Variants in HIVEP2 observed in about 807,000 individuals in gnomAD.
HIVEP2 encodes the protein transcription factor HIVEP2.
HIVEP2 carries 14 observed loss-of-function variants against 180.7 expected under a neutral mutation model. The ratio of observed to expected loss-of-function variants is 0.08; its 90% CI spans 0.05 to 0.12. HIVEP2 has a LOEUF of 0.12. Ranked by LOEUF, HIVEP2 falls within the 10% of genes least tolerant of loss-of-function variation. The probability of loss-of-function intolerance (pLI) is 1.00; values close to 1 mark genes in which losing one functional copy is unlikely to be tolerated. For synonymous variants in HIVEP2, 1,184 were observed against 1,136.4 expected (o/e 1.04, Z -0.84); for missense variants, 2,579 against 3,008.5 (o/e 0.86, Z 3.34).
At chr6:142,800,027 T>G (rs1451521025) in intron 2 of HIVEP2, among the ~76,000 whole-genome samples, 1 of 152,174 alleles carries the variant, frequency 6.6e-6, no homozygotes, top group Non-Finnish European at 1.5e-5. Context: ...CCCAAGAACT[T>G]TCCCAGAAAT....
Position 142,774,884 on chromosome 6 carries a change from C to T in HIVEP2, c.-146G>A. 1 of 1,500,942 alleles carries T rather than the reference C, an allele frequency of 6.7e-7. No individual in the cohort carries two copies. The highest frequency in any genetic ancestry group is 1.4e-5 in the South Asian group (1 of 72,986). 93.0% of individuals were successfully genotyped at this position (1,500,942 alleles called of 1,614,324 possible). On this transcript the variant is annotated 5_prime_UTR_variant, in exon 5 of 10. Coordinates refer to ENST00000367603, the MANE Select transcript of HIVEP2 (RefSeq NM_006734.4). The surrounding 1 kb of genome is among the most constrained non-coding windows in gnomAD (Gnocchi z 5.1). Reference sequence around the variant, plus strand: ...GCTGATTGCTCCTTCTCTTTGGAACCTTCCACACGCACACCACAGTCGATG... The same window carrying T: ...GCTGATTGCTCCTTCTCTTTGGAACTTTCCACACGCACACCACAGTCGATG...
intron 2 of HIVEP2, among the ~76,000 whole-genome samples, chr6:142,799,168 A>G (rs1776348960): frequency 6.6e-6 from 1 of 152,222 alleles, no homozygotes; most frequent in African/African-American, 2.4e-5. Context: ...AAAGCATGAA[A>G]TGCTGAAAAG....
At chr6:142,908,293 G>A (rs748094866) in intron 1 of HIVEP2, among the ~76,000 whole-genome samples, 5 of 152,102 alleles carry the variant, frequency 3.3e-5, no homozygotes, top group East Asian at 1.9e-4. Flanking sequence ...CCAACCCATC[G>A]CTGCTTCTAA....
chr6:142,887,186 A>G (rs1776719980), intron 1 of HIVEP2, among the ~76,000 whole-genome samples: 1 of 152,240 alleles, frequency 6.6e-6, no homozygotes, highest in Admixed American at 6.5e-5. Flanking sequence ...AATGAAATTT[A>G]GAAACTGCTT....
At chr6:142,891,969 T>C (rs181358104) in intron 1 of HIVEP2, among the ~76,000 whole-genome samples, 5 of 152,264 alleles carry the variant, frequency 3.3e-5, no homozygotes, top group Admixed American at 6.5e-5. Flanking sequence ...ATCTTTTAGC[T>C]ATGTCCAGCC....
chr6:142,862,509 TTTATAATACATATAATC>T (rs1776011381), intron 1 of HIVEP2, among the ~76,000 whole-genome samples: 1 of 120,552 alleles, frequency 8.3e-6, no homozygotes, highest in African/African-American at 4.5e-5. Flanking sequence ...TATCATATAT[TTTATAATACATATAATC>T]GATTATGTGT....
At chr6:142,944,768 GGACA>G (rs1165204173) in intron 1 of HIVEP2, 2 of 152,748 alleles carry the variant, frequency 1.3e-5, no homozygotes, top group Non-Finnish European at 2.9e-5. Flanking sequence ...CCCGCCAGAC[GGACA>G]GACAAACACG....
intron 1 of HIVEP2, among the ~76,000 whole-genome samples, chr6:142,933,906 AAAAAC>A (rs1463045368): frequency 6.6e-6 from 1 of 152,238 alleles, no homozygotes; most frequent in African/African-American, 2.4e-5. Context: ...TTACAAATCC[AAAAAC>A]AAATGTCTTT....
At chr6:142,820,297 T>TTCCC (rs1554214242) in intron 2 of HIVEP2, among the ~76,000 whole-genome samples, 14 of 148,282 alleles carry the variant, frequency 9.4e-5, no homozygotes, top group African/African-American at 3.5e-4. Flanking sequence ...TCGCTCTCTC[T>TTCCC]TCTCTCTCTC....
At chr6:142,794,868 T>C (rs17528557) in intron 2 of HIVEP2, among the ~76,000 whole-genome samples, 7,916 of 152,296 alleles carry the variant, frequency 0.052, 277 homozygotes, top group Middle Eastern at 0.11. Context: ...AAGTCTCAAA[T>C]TGACCTCTAC....
intron 3 of HIVEP2, among the ~76,000 whole-genome samples, chr6:142,779,157 A>G (rs1775778209): frequency 6.6e-6 from 1 of 152,072 alleles, no homozygotes; most frequent in Admixed American, 6.6e-5. Context: ...ACTCAAACTC[A>G]TGGGCTCAAG....
At chr6:142,888,996 G>A (rs940054687) in intron 1 of HIVEP2, among the ~76,000 whole-genome samples, 2 of 152,104 alleles carry the variant, frequency 1.3e-5, no homozygotes, top group Non-Finnish European at 2.9e-5. Context: ...ACAAAGTCTT[G>A]TATCAGAGAT....
chr6:142,820,297 T>TTCTCTCTCTCTCTCTCTCTCTCTCTCTC (rs3057563), intron 2 of HIVEP2, among the ~76,000 whole-genome samples: 32 of 148,282 alleles, frequency 2.2e-4, no homozygotes, highest in Admixed American at 4.0e-4. Context: ...TCGCTCTCTC[T>TTCTCTCTCTCTCTCTCTCTCTCTCTCTC]TCTCTCTCTC....
At chr6:142,848,473 A>C (rs1044360307) in intron 1 of HIVEP2, among the ~76,000 whole-genome samples, 1 of 152,160 alleles carries the variant, frequency 6.6e-6, no homozygotes, top group Non-Finnish European at 1.5e-5. Context: ...TAATCTCAGC[A>C]CTTTGGGAAG....
At chr6:142,916,976 G>A (rs1057500221) in intron 1 of HIVEP2, among the ~76,000 whole-genome samples, 6 of 152,162 alleles carry the variant, frequency 3.9e-5, no homozygotes, top group Non-Finnish European at 8.8e-5. Flanking sequence ...GGCTTCTACT[G>A]TAGCATAATG....
chr6:142,813,722 C>T (rs553049048), intron 2 of HIVEP2, among the ~76,000 whole-genome samples: 2 of 151,658 alleles, frequency 1.3e-5, no homozygotes, highest in South Asian at 2.1e-4. Context: ...ACTATAGGTA[C>T]ATGCCCCAGA....
At chr6:142,897,525 G>A (rs1232433485) in intron 1 of HIVEP2, among the ~76,000 whole-genome samples, 1 of 152,222 alleles carries the variant, frequency 6.6e-6, no homozygotes, top group African/African-American at 2.4e-5. Context: ...ACAGTAATGA[G>A]AATGGATGAT....
At chr6:142,919,089 T>G (rs1777630129) in intron 1 of HIVEP2, among the ~76,000 whole-genome samples, 1 of 152,226 alleles carries the variant, frequency 6.6e-6, no homozygotes, top group African/African-American at 2.4e-5. Flanking sequence ...AATGACATTT[T>G]CATTTACTCA....
intron 1 of HIVEP2, among the ~76,000 whole-genome samples, chr6:142,896,958 G>T (rs1378192916): frequency 6.6e-6 from 1 of 152,156 alleles, no homozygotes; most frequent in African/African-American, 2.4e-5. Flanking sequence ...TTGAGGTACA[G>T]AGTATGACTA....
Sources: gnomAD v4.1 joint callset for allele counts (sites outside exome capture counted in the v4.1 genomes callset) on GRCh38, gnomAD v4.1.1 for gene constraint, Gnocchi (gnomAD v3.1) non-coding constraint, MANE v1.5 for transcripts, NCBI Gene and HGNC (gene_info 2026-07-23, HGNC 2026-07-21) for gene names.